Variants in CEP120 observed in about 807,000 individuals in gnomAD.
The protein encoded by CEP120 is centrosomal protein of 120 kDa.
CEP120 carries 113 observed loss-of-function variants against 126.5 expected under a neutral mutation model. The observed-to-expected ratio is 0.89, with a 90% CI of 0.77 to 1.04. CEP120 has a LOEUF of 1.04. Among genes scored for constraint, CEP120 ranks in the 50% least tolerant of loss-of-function variants. The probability of loss-of-function intolerance (pLI) is 0.00; values close to 1 mark genes in which losing one functional copy is unlikely to be tolerated. For missense variants in CEP120, 1,230 were observed against 1,155.7 expected (o/e 1.06, Z -0.93); for synonymous variants, 400 against 394.3 (o/e 1.01, Z -0.17).
intron 4 of CEP120, among the ~76,000 whole-genome samples, chr5:123,399,873 G>T (rs564072412): frequency 6.6e-6 from 1 of 152,242 alleles, no homozygotes; most frequent in South Asian, 2.1e-4. Flanking sequence ...AACTAGTTTT[G>T]AGAAGAAAAC....
At chr5:123,404,935 A>G (rs1244710133) in intron 4 of CEP120, among the ~76,000 whole-genome samples, 1 of 152,238 alleles carries the variant, frequency 6.6e-6, no homozygotes, top group Non-Finnish European at 1.5e-5. Flanking sequence ...AAAACTTTCG[A>G]GACTATCTCA....
intron 4 of CEP120, among the ~76,000 whole-genome samples, chr5:123,405,677 C>T (rs983097012): frequency 6.6e-6 from 1 of 152,180 alleles, no homozygotes; most frequent in African/African-American, 2.4e-5. Context: ...CAGTAAAAGA[C>T]TGAGACCTAA....
intron 10 of CEP120, 28 bp downstream of exon 10, chr5:123,386,490 A>T: frequency 1.5e-6 from 2 of 1,350,478 alleles, no homozygotes; most frequent in Non-Finnish European, 1.9e-6. Context: ...TAAATTAATT[A>T]ATATCATACA....
chr5:123,370,815 C>T, intron 17 of CEP120, among the ~76,000 whole-genome samples: 1 of 150,094 alleles, frequency 6.7e-6, no homozygotes, highest in East Asian at 2.0e-4. Context: ...CTCCATGTTG[C>T]CCAGGCTGGT....
intron 4 of CEP120, among the ~76,000 whole-genome samples, chr5:123,411,191 A>G (rs768040812): frequency 6.6e-6 from 1 of 152,222 alleles, no homozygotes; most frequent in Non-Finnish European, 1.5e-5. Context: ...AAATTCTGGT[A>G]AGAATATGGA....
intron 11 of CEP120, 139 bp from the exon 12 acceptor site, chr5:123,383,221 A>T: frequency 1.7e-6 from 1 of 573,516 alleles, no homozygotes. Context: ...AACTGCAGCA[A>T]CTTCTGTAGG....
chr5:123,374,540 T>A (rs1238423192), intron 16 of CEP120, among the ~76,000 whole-genome samples: 1 of 152,136 alleles, frequency 6.6e-6, no homozygotes, highest in Non-Finnish European at 1.5e-5. Context: ...TATACCGCTA[T>A]GACTATCCAT....
intron 4 of CEP120, chr5:123,402,300 G>A (rs1272677224): frequency 6.8e-7 from 1 of 1,466,192 alleles, no homozygotes; most frequent in African/African-American, 1.4e-5. Flanking sequence ...CCGGGGGCCA[G>A]AGGTGGACAC....
At chr5:123,418,595 G>A in intron 1 of CEP120, 80 bp from the exon 2 acceptor site, 1 of 1,255,776 alleles carries the variant, frequency 8.0e-7, no homozygotes, top group African/African-American at 1.7e-5. Flanking sequence ...TTTTTGTTTG[G>A]CTGGTTTTTT....
At chr5:123,358,947 T>C (rs752912099) in intron 18 of CEP120, among the ~76,000 whole-genome samples, 9 of 152,030 alleles carry the variant, frequency 5.9e-5, no homozygotes, top group Non-Finnish European at 1.0e-4. Flanking sequence ...GGAACTCAAG[T>C]AAAGTTTTCT....
chr5:123,359,160 A>G (rs1244051173), intron 18 of CEP120, among the ~76,000 whole-genome samples: 2 of 152,108 alleles, frequency 1.3e-5, no homozygotes, highest in Admixed American at 6.6e-5. Flanking sequence ...ATGTCAGCCA[A>G]TGAAGTCTGT....
Position 123,391,256 on chromosome 5 carries a change from T to G in CEP120, c.892A>C (p.Ile298Leu). 6.2e-7 allele frequency: 1 copy of G among 1,614,192 alleles called. No homozygotes were observed. The change falls in exon 7 of 20, where the codon ATC becomes CTC. Residue 298 changes from isoleucine to leucine, a missense_variant. Coordinates refer to ENST00000306467, the MANE Select transcript of CEP120 (RefSeq NM_001375405.1). Reference sequence around the variant, plus strand: ...TCGACTGTGACTGGGTGCTGGTTGATTTCTGTACTGCCCTTTTTAAGTAAT... The same window carrying G: ...TCGACTGTGACTGGGTGCTGGTTGAGTTCTGTACTGCCCTTTTTAAGTAAT... ...TGLLKKGSTE[I>L]NQHPVTVEGA...
At chr5:123,400,302 T>C (rs1773094718) in intron 4 of CEP120, among the ~76,000 whole-genome samples, 1 of 152,086 alleles carries the variant, frequency 6.6e-6, no homozygotes, top group Admixed American at 6.6e-5. Context: ...TTTTTTTTTC[T>C]AGAAAGCTTT....
intron 19 of CEP120, among the ~76,000 whole-genome samples, chr5:123,348,815 G>C (rs574458119): frequency 6.6e-6 from 1 of 152,090 alleles, no homozygotes; most frequent in African/African-American, 2.4e-5. Flanking sequence ...TCTCATCATG[G>C]GATTAGTGCT....
intron 17 of CEP120, among the ~76,000 whole-genome samples, chr5:123,371,332 G>A (rs1431624476): frequency 2.6e-5 from 4 of 152,052 alleles, no homozygotes; most frequent in Non-Finnish European, 5.9e-5. Context: ...GGAGGAGCAA[G>A]TCACATTTTA....
At position 123,390,038 on chromosome 5, in the gene CEP120, G is replaced by C. The variant is rs762960922; in HGVS notation, c.1141C>G (p.Pro381Ala). 1.2e-6 allele frequency: 2 copies of C among 1,613,884 alleles called. No homozygotes were observed. The highest frequency in any genetic ancestry group is 1.7e-6 in the Non-Finnish European group (2 of 1,179,892). ...TGAGATGGAACAGGGGACACTGTTG[G>C]TGATTTTGGCCCAGTAAGTGTCTTC... ...KEKTLTGPKS[P>A]TVSPVPSHNQ... The change falls in exon 8 of 20, where the codon CCA becomes GCA. Residue 381 changes from proline to alanine, a missense_variant. Pro to Ala is a conservative substitution (Grantham distance 27, BLOSUM62 -1). Coordinates refer to ENST00000306467, the MANE Select transcript of CEP120 (RefSeq NM_001375405.1).
intron 4 of CEP120, among the ~76,000 whole-genome samples, chr5:123,400,182 T>A (rs944201255): frequency 6.6e-6 from 1 of 152,182 alleles, no homozygotes; most frequent in African/African-American, 2.4e-5. Flanking sequence ...GAAAACAGTA[T>A]AATAATTAAG....
At chr5:123,359,336 C>T (rs1014689243) in intron 18 of CEP120, among the ~76,000 whole-genome samples, 6 of 151,958 alleles carry the variant, frequency 3.9e-5, no homozygotes, top group Non-Finnish European at 5.9e-5. Flanking sequence ...TTGTCTACAA[C>T]AAACTCATAC....
chr5:123,377,707 A>G (rs1771337697), intron 15 of CEP120, among the ~76,000 whole-genome samples, 172 bp from the exon 16 acceptor site: 1 of 152,116 alleles, frequency 6.6e-6, no homozygotes, highest in Non-Finnish European at 1.5e-5. Context: ...TAAGTTTTCA[A>G]TCATTGTTTA....
Sources: allele counts gnomAD v4.1 joint callset (sites outside exome capture counted in the v4.1 genomes callset), GRCh38; gene constraint gnomAD v4.1.1; transcripts MANE v1.5; gene names NCBI Gene and HGNC (gene_info 2026-07-23, HGNC 2026-07-21).